ARHGEF9: variants seen among roughly 807,000 people sequenced by gnomAD.
The protein encoded by ARHGEF9 is rho guanine nucleotide exchange factor 9.
A neutral mutation model predicts 41.3 loss-of-function variants in ARHGEF9; 2 were observed. The observed-to-expected ratio is 0.05, with a 90% CI of 0.02 to 0.15. ARHGEF9 has a LOEUF of 0.15. Among genes scored for constraint, ARHGEF9 ranks in the 10% least tolerant of loss-of-function variants. ARHGEF9 has a pLI of 1.00. For synonymous variants in ARHGEF9, 160 were observed against 154.4 expected (o/e 1.04, Z -0.27); for missense variants, 225 against 424.7 (o/e 0.53, Z 4.13).
chrX:63,713,335 C>T (rs1347168551), intron 2 of ARHGEF9, among the ~76,000 whole-genome samples: 1 of 110,422 alleles, frequency 9.1e-6, no homozygotes. Context: ...CCAATCAATA[C>T]ATAAACTCCC....
intron 2 of ARHGEF9, among the ~76,000 whole-genome samples, chrX:63,708,673 C>T (rs1413593501): frequency 8.9e-6 from 1 of 111,807 alleles, no homozygotes; most frequent in African/African-American, 3.3e-5. Flanking sequence ...GCAACAACCC[C>T]AGAAGCCCAT....
At chrX:63,688,146 C>T (rs2051104098) in intron 4 of ARHGEF9, among the ~76,000 whole-genome samples, 1 of 111,018 alleles carries the variant, frequency 9.0e-6, no homozygotes, top group South Asian at 3.9e-4. Context: ...AAAGGAGTTT[C>T]AATTCCTGTG....
At chrX:63,742,342 C>T (rs1472858831) in intron 1 of ARHGEF9, among the ~76,000 whole-genome samples, 4 of 111,612 alleles carry the variant, frequency 3.6e-5, no homozygotes, top group African/African-American at 6.5e-5. Flanking sequence ...GTTACCCAGT[C>T]ACTTCTCAGC....
chrX:63,755,978 G>C (rs1269623141), intron 1 of ARHGEF9: 5 of 378,657 alleles, frequency 1.3e-5, no homozygotes, highest in Non-Finnish European at 1.7e-5. Flanking sequence ...CTTGCAATCT[G>C]CTTCTAATCA....
chrX:63,683,867 A>G (rs1443425697), intron 4 of ARHGEF9, among the ~76,000 whole-genome samples: 1 of 110,878 alleles, frequency 9.0e-6, no homozygotes, highest in Non-Finnish European at 1.9e-5. Context: ...AGAGACTGAA[A>G]CATAAGAGCT....
intron 1 of ARHGEF9, among the ~76,000 whole-genome samples, chrX:63,777,135 G>C (rs1369498905): frequency 8.9e-6 from 1 of 111,916 alleles, no homozygotes; most frequent in African/African-American, 3.2e-5. Context: ...AGGTGTAATT[G>C]ACTCACAGTT....
intron 8 of ARHGEF9, among the ~76,000 whole-genome samples, chrX:63,651,547 T>G (rs2048541360): frequency 9.0e-6 from 1 of 111,566 alleles, no homozygotes; most frequent in Admixed American, 9.6e-5. Context: ...GAGGTCCCCT[T>G]TCTCACATCA....
intron 6 of ARHGEF9, among the ~76,000 whole-genome samples, chrX:63,673,292 C>T (rs1346692018): frequency 9.0e-6 from 1 of 111,304 alleles, no homozygotes; most frequent in East Asian, 2.8e-4. Context: ...GACCACAAGG[C>T]TTAAGATTGC....
intron 1 of ARHGEF9, among the ~76,000 whole-genome samples, chrX:63,744,520 TCCAGAGCTGAAGCCCAGAAGG>T (rs2147740704): frequency 8.9e-6 from 1 of 112,484 alleles, no homozygotes; most frequent in East Asian, 2.8e-4. Flanking sequence ...CACTGTAACT[TCCAGAGCTGAAGCCCAGAAGG>T]CCAGGCTAGA....
chrX:63,759,438 C>T (rs148301890), intron 1 of ARHGEF9, among the ~76,000 whole-genome samples: 5 of 111,466 alleles, frequency 4.5e-5, no homozygotes, highest in Non-Finnish European at 9.4e-5. Flanking sequence ...CCGGTCTCAG[C>T]TCCAACACCT....
At chrX:63,705,922 C>A (rs1309922886) in intron 3 of ARHGEF9, among the ~76,000 whole-genome samples, 1 of 111,156 alleles carries the variant, frequency 9.0e-6, no homozygotes, top group Non-Finnish European at 1.9e-5. Context: ...TAAGCCCTTA[C>A]ATGAGATGGC....
At chrX:63,638,433 C>G (rs1409496463) in intron 9 of ARHGEF9, 7 of 423,048 alleles carry the variant, frequency 1.7e-5, no homozygotes, top group African/African-American at 2.5e-5. Flanking sequence ...AGTCAGGTAT[C>G]AAAGAAATTT....
chrX:63,708,812 T>G (rs1360353133), intron 2 of ARHGEF9, among the ~76,000 whole-genome samples: 1 of 112,147 alleles, frequency 8.9e-6, no homozygotes, highest in Admixed American at 9.4e-5. Flanking sequence ...AAGACAGAAA[T>G]CACTGCCCTT....
chrX:63,704,904 T>C (rs1466674188), intron 3 of ARHGEF9, among the ~76,000 whole-genome samples: 1 of 112,108 alleles, frequency 8.9e-6, no homozygotes, highest in Middle Eastern at 4.2e-3. Context: ...TTAATCTTCC[T>C]GAAAGGGGTG....
intron 9 of ARHGEF9, chrX:63,641,202 A>G (rs1556305596): frequency 9.1e-6 from 1 of 109,538 alleles, no homozygotes; most frequent in Non-Finnish European, 1.9e-5. Flanking sequence ...AAATACAAAC[A>G]TTAGTCGGGT....
intron 2 of ARHGEF9, among the ~76,000 whole-genome samples, chrX:63,717,601 C>CA (rs781793174): frequency 1.4e-4 from 16 of 112,151 alleles, no homozygotes; most frequent in Middle Eastern, 9.1e-3. Flanking sequence ...GGGCTATAGA[C>CA]AGAGTGGAGA....
chrX:63,754,206 T>G (rs1177823686), intron 1 of ARHGEF9: 10 of 975,914 alleles, frequency 1.0e-5, no homozygotes, highest in Non-Finnish European at 1.5e-5. Context: ...TAGAAAGCAT[T>G]TCTTCATCAA....
At chrX:63,750,278 C>A (rs2055541705) in intron 1 of ARHGEF9, among the ~76,000 whole-genome samples, 1 of 111,457 alleles carries the variant, frequency 9.0e-6, no homozygotes. Context: ...TGGTTGCTCT[C>A]AATCTGGGCC....
intron 1 of ARHGEF9, among the ~76,000 whole-genome samples, chrX:63,753,441 T>A (rs1190182556): frequency 1.8e-5 from 2 of 111,764 alleles, no homozygotes; most frequent in African/African-American, 6.5e-5. Context: ...ATTTAAAATG[T>A]AGTTCAAGAA....
Sources: allele counts gnomAD v4.1 joint callset (sites outside exome capture counted in the v4.1 genomes callset), GRCh38; gene constraint gnomAD v4.1.1; transcripts MANE v1.5; gene names NCBI Gene and HGNC (gene_info 2026-07-23, HGNC 2026-07-21).